The following NOBOX variants were observed in gnomAD, a reference collection of about 807,000 sequenced individuals.
The protein encoded by NOBOX is NOBOX oogenesis homeobox.
A neutral mutation model predicts 60.2 loss-of-function variants in NOBOX; 46 were observed. The observed-to-expected ratio is 0.76, with a 90% CI of 0.60 to 0.98. The LOEUF (loss-of-function observed/expected upper bound fraction) is 0.98, where lower values mean the gene tolerates loss of function less well. NOBOX is among the 50% of genes least tolerant of loss of function. The probability of loss-of-function intolerance (pLI) is 0.00; values close to 1 mark genes in which losing one functional copy is unlikely to be tolerated. For missense variants in NOBOX, 880 were observed against 865.5 expected, an observed-to-expected ratio of 1.02 and a Z score of -0.21; for synonymous variants, 360 against 346.3, an observed-to-expected ratio of 1.04 and a Z score of -0.44.
At chr7:144,399,359 G>T (rs755472215) in intron 7 of NOBOX, 38 bp downstream of exon 5, 20 of 1,420,550 alleles carry the variant, frequency 1.4e-5, no homozygotes, top group Non-Finnish European at 1.9e-5. Flanking sequence ...ACTATCTTTA[G>T]TTGCCATTTT....
chr7:144,401,958 T>A lies in NOBOX; in HGVS notation c.211-8A>T, dbSNP rs779446166. The A allele has an allele frequency of 6.2e-7, 1 of 1,604,456 alleles. No individual in the cohort carries two copies. ...TAAGGGATCATGTTGGGGCTGCGGA[T>A]GGACCAGGAAGACAAAGAGAAACAG... On this transcript the variant is annotated splice_polypyrimidine_tract_variant and splice_region_variant and intron_variant, in intron 2 of 9. Coordinates refer to ENST00000467773, the MANE Select transcript of NOBOX (RefSeq NM_001080413.3). This position sits in a 1 kb window ranked among gnomAD's most constrained non-coding sequence, Gnocchi z 4.2.
chr7:144,399,177 C>T lies in NOBOX; in HGVS notation c.1242G>A (p.Glu414=), dbSNP rs1484537210. 6.6e-6 allele frequency: 10 copies of T among 1,509,918 alleles called. No individual in the cohort carries two copies. The highest frequency in any genetic ancestry group is 9.1e-6 in the Non-Finnish European group (10 of 1,103,386). 93.5% of individuals were successfully genotyped at this position (1,509,918 alleles called of 1,614,324 possible). A position where few individuals can be genotyped will look rare whatever the true frequency, so the allele number is the denominator to read the frequency against. Residue 414 remains glutamate (E), a splice_region_variant and synonymous_variant, in exon 8 of 10, where the codon GAG becomes GAA. Transcript: ENST00000467773. ...GGTCAGAAGTCAGCAGCATGGGGGG[C>T]TCTAGGAACAGAAGGCAAAGAGGTG...
chr7:144,410,172 C>T lies in NOBOX; in HGVS notation c.56G>A (p.Arg19Lys), dbSNP rs1181280099. The T allele has an allele frequency of 6.4e-7, 1 of 1,570,806 alleles. No homozygotes were observed. The highest frequency in any genetic ancestry group is 8.6e-7 in the Non-Finnish European group (1 of 1,156,314). ...CTGGGCTTTGAAGCCATCCTTGTCT[C>T]TGGTGTCCCAGGTACCCTCCAGGTC... The change falls in exon 1 of 10, where the codon AGA becomes AAA. Residue 19 changes from arginine (R) to lysine (K), a missense_variant. Transcript: ENST00000467773.
At chr7:144,400,061 G>T in intron 5 of NOBOX, 145 bp downstream of exon 3, 1 of 1,570,620 alleles carries the variant, frequency 6.4e-7, no homozygotes, top group East Asian at 2.2e-5. Context: ...TGGCACTCTG[G>T]AAACAGTCAG....
intron 1 of NOBOX, among the ~76,000 whole-genome samples, chr7:144,408,145 C>T (rs369450375): frequency 1.4e-3 from 208 of 152,170 alleles, no homozygotes; most frequent in Non-Finnish European, 1.9e-3. Flanking sequence ...AAGTCTCCCC[C>T]ACTCTTCCAG....
chr7:144,397,226 C>A, downstream of NOBOX: 2 of 1,520,194 alleles, frequency 1.3e-6, no homozygotes, highest in African/African-American at 2.7e-5. Flanking sequence ...TCTTTTCACT[C>A]TTTGACCCCC....
intron 2 of NOBOX, 25 bp from the exon 1 acceptor site, chr7:144,403,718 C>T: frequency 1.4e-6 from 1 of 699,750 alleles, no homozygotes; most frequent in Non-Finnish European, 2.6e-6. Flanking sequence ...CCGCCGCGGC[C>T]GGCCCGTGAT....
At chr7:144,402,026 T>C (rs950198090) in intron 2 of NOBOX, 57 of 1,090,506 alleles carry the variant, frequency 5.2e-5, no homozygotes, top group Non-Finnish European at 7.7e-5. Flanking sequence ...ATGCTGTTTC[T>C]GCTGCACAAC....
chr7:144,398,242 C>T, intron 9 of NOBOX, 40 bp downstream of exon 7: 1 of 1,527,336 alleles, frequency 6.5e-7, no homozygotes, highest in South Asian at 1.2e-5. Context: ...TCCCACCTTC[C>T]TCAATCTCAA....
At chr7:144,407,200 G>A (rs1043211827) in intron 1 of NOBOX, among the ~76,000 whole-genome samples, 1 of 152,072 alleles carries the variant, frequency 6.6e-6, no homozygotes, top group Non-Finnish European at 1.5e-5. Context: ...AGTGAAATAA[G>A]TGTTCTTGAT....
At chr7:144,407,064 C>G (rs1304235843) in intron 1 of NOBOX, among the ~76,000 whole-genome samples, 1 of 151,332 alleles carries the variant, frequency 6.6e-6, no homozygotes, top group African/African-American at 2.4e-5. Context: ...CCACCATGCA[C>G]TTAGAAAGAG....
In NOBOX at chr7:144,398,397, C is replaced by T. The variant is rs991408724; in HGVS notation, c.1659G>A (p.Pro553=). ...GAAACATAAAGAGAGAGTCTTCGGG[C>T]GGTGGAAGCGTCAGTGAACTGGGCA... is the stretch of plus-strand genomic sequence containing the variant. The change falls in exon 9 of 10, where the codon CCG becomes CCA. Residue 553 remains proline (P), a synonymous_variant. Coordinates refer to ENST00000467773, the MANE Select transcript of NOBOX (RefSeq NM_001080413.3). 3.1e-5 allele frequency: 47 copies of T among 1,537,074 alleles called. No homozygotes were observed. In the Admixed American group the frequency reaches 4.3e-4, roughly 14 times the overall value.
chr7:144,400,088 G>C, intron 5 of NOBOX, 118 bp downstream of exon 3: 1 of 1,606,308 alleles, frequency 6.2e-7, no homozygotes, highest in Non-Finnish European at 8.5e-7. Context: ...AGCCACGTCT[G>C]AGGCCTCAAT....
Position 144,398,495 on chromosome 7 carries a change from G to C in NOBOX, c.1561C>G (p.Gln521Glu). 3 of 1,536,944 alleles carry C rather than the reference G, an allele frequency of 2.0e-6. No individual in the cohort carries two copies. The highest frequency in any genetic ancestry group is 1.7e-6 in the Non-Finnish European group (2 of 1,146,764). ...TGGAAAAGCGGGGGCTGTGGAGCCTGGGAGAACTGGAAGGGTCCTGGCTGG... is the reference window on the plus strand; with the variant it reads ...TGGAAAAGCGGGGGCTGTGGAGCCTCGGAGAACTGGAAGGGTCCTGGCTGG... Residue 521 changes from glutamine to glutamate, a missense_variant, in exon 9 of 10, where the codon CAG becomes GAG. Physicochemically the swap from Gln to Glu is conservative, Grantham distance 29 (BLOSUM62 2). Transcript: ENST00000467773.
Position 144,399,461 on chromosome 7 carries a change from A to C in NOBOX, c.1176T>G (p.Pro392=). The change falls in exon 7 of 10, where the codon CCT becomes CCG. Residue 392 remains proline (P), a synonymous_variant. Transcript: ENST00000467773. ...CAGGCTTTGGCTCCATGGGCACAGCAGGTAGGATCTCAGCTGCAGAGCTGG... is the reference window on the plus strand; with the variant it reads ...CAGGCTTTGGCTCCATGGGCACAGCCGGTAGGATCTCAGCTGCAGAGCTGG... The C allele has an allele frequency of 6.3e-7, 1 of 1,583,150 alleles. No homozygotes were observed. The highest frequency in any genetic ancestry group is 8.6e-7 in the Non-Finnish European group (1 of 1,164,270).
chr7:144,401,277 T>TC lies in NOBOX; in HGVS notation c.612dup (p.Lys205GlufsTer6). 6.2e-7 allele frequency: 1 copy of TC among 1,613,442 alleles called. No homozygotes were observed. The highest frequency in any genetic ancestry group is 8.5e-7 in the Non-Finnish European group (1 of 1,179,704). ...CCCATGGCATTAGGCTTTTTCTGCT[T>TC]CCCGGGGGCTGGAGAATAGGACCTC... On this transcript the variant is annotated frameshift_variant, in exon 4 of 10. Coordinates refer to ENST00000467773, the MANE Select transcript of NOBOX (RefSeq NM_001080413.3). LOFTEE classifies it high-confidence loss of function. This position sits in a 1 kb window ranked among gnomAD's most constrained non-coding sequence, Gnocchi z 4.2.
chr7:144,407,674 A>G (rs1473240616), intron 1 of NOBOX, among the ~76,000 whole-genome samples: 1 of 152,238 alleles, frequency 6.6e-6, no homozygotes, highest in Non-Finnish European at 1.5e-5. Context: ...GTATCTGCCC[A>G]GGGGCTTCCT....
Position 144,401,667 on chromosome 7 carries a change from G to T in NOBOX, c.293-70C>A. 1 of 1,409,526 alleles carries T rather than the reference G, an allele frequency of 7.1e-7. No individual in the cohort carries two copies. Among genetic ancestry groups the T allele is most frequent in the Non-Finnish European group, 9.5e-7 (1 of 1,055,218 alleles). The allele number at this position is 1,409,526 out of a possible 1,614,324, so 87.3% of individuals were successfully genotyped here. On this transcript the variant is annotated intron_variant, in intron 3 of 9. Coordinates refer to ENST00000467773, the MANE Select transcript of NOBOX (RefSeq NM_001080413.3). The surrounding 1 kb of genome is among the most constrained non-coding windows in gnomAD (Gnocchi z 4.2). The stretch of plus-strand genomic sequence containing the variant: ...AAGAACTGGACCAAGAGGAAGTGCT[G>T]CTTCCTGCTTTGCAAACGGTTTGAT...
At position 144,399,137 on chromosome 7, in the gene NOBOX, TG is replaced by T; in HGVS notation, c.1281del (p.Thr428ProfsTer11). On this transcript the variant is annotated frameshift_variant, in exon 8 of 10. Transcript: ENST00000467773. LOFTEE classifies it high-confidence loss of function. ...CTCTGAGCACCCTCACTGGGTTGGG[TG>T]GGGGCCAAAGTCTGGTCAGAAGTCA... The T allele has an allele frequency of 1.9e-6, 3 of 1,566,466 alleles. No individual in the cohort carries two copies. Among genetic ancestry groups the T allele is most frequent in the Non-Finnish European group, 2.6e-6 (3 of 1,146,568 alleles).
Sources: gnomAD v4.1 joint callset for allele counts (sites outside exome capture counted in the v4.1 genomes callset) on GRCh38, gnomAD v4.1.1 for gene constraint, Gnocchi (gnomAD v3.1) non-coding constraint, MANE v1.5 for transcripts, NCBI Gene and HGNC (gene_info 2026-07-23, HGNC 2026-07-21) for gene names.